The following SYN3 variants were observed in gnomAD, a reference collection of about 807,000 sequenced individuals.
The protein encoded by SYN3 is synapsin-3.
In SYN3, 35 loss-of-function variants were observed where a neutral mutation model predicts 65.8. The ratio of observed to expected loss-of-function variants is 0.53; its 90% CI spans 0.41 to 0.70. SYN3 has a LOEUF of 0.70. Among genes scored for constraint, SYN3 ranks in the 30% least tolerant of loss-of-function variants. The probability of loss-of-function intolerance (pLI) is 0.00; values close to 1 mark genes in which losing one functional copy is unlikely to be tolerated. For synonymous variants in SYN3, 270 were observed against 292.9 expected, an observed-to-expected ratio of 0.92 and a Z score of 0.80; for missense variants, 680 against 749.0, an observed-to-expected ratio of 0.91 and a Z score of 1.08.
At chr22:32,845,969 T>G (rs1394909363) in intron 6 of SYN3, among the ~76,000 whole-genome samples, 1 of 152,230 alleles carries the variant, frequency 6.6e-6, no homozygotes, top group East Asian at 1.9e-4. Context: ...GACAGATTAA[T>G]GCACAAACCA....
At position 32,723,302 on chromosome 22, in the gene SYN3, G is replaced by A. The variant is rs140798724; in HGVS notation, c.712-126566C>T. ...CTTCTGTTTCCCATCTATAAAATGGGGACAGGAAGAGTGTTCACTTCAGAG... is the reference window on the plus strand; with the variant it reads ...CTTCTGTTTCCCATCTATAAAATGGAGACAGGAAGAGTGTTCACTTCAGAG... On this transcript the variant is annotated intron_variant, in intron 6 of 13. Transcript: ENST00000358763. Among the ~76,000 whole-genome samples the A allele has an allele frequency of 1.4e-4, 21 of 152,298 alleles. 1 individual carries two copies. The East Asian group carries it at 3.9e-3, about 28-fold the overall frequency.
chr22:32,535,057 A>G (rs765425643), intron 9 of SYN3, among the ~76,000 whole-genome samples: 1 of 152,178 alleles, frequency 6.6e-6, no homozygotes, highest in Non-Finnish European at 1.5e-5. Flanking sequence ...CATTCCCTCG[A>G]ATCCCAGCAC....
chr22:32,735,371 A>C (rs1316700535), intron 6 of SYN3, among the ~76,000 whole-genome samples: 1 of 152,226 alleles, frequency 6.6e-6, no homozygotes, highest in Non-Finnish European at 1.5e-5. Flanking sequence ...CTTGGCACGT[A>C]GTAAATTCTC....
chr22:32,908,205 C>A (rs1373859840), intron 4 of SYN3, among the ~76,000 whole-genome samples: 1 of 151,972 alleles, frequency 6.6e-6, no homozygotes, highest in Non-Finnish European at 1.5e-5. Flanking sequence ...CCTGACTCAG[C>A]CTCCTGAGTA....
chr22:32,641,147 C>T (rs1389817267), intron 6 of SYN3, among the ~76,000 whole-genome samples: 3 of 152,270 alleles, frequency 2.0e-5, no homozygotes, highest in East Asian at 1.9e-4. Context: ...TGAGCACGAA[C>T]GTCAACAATG....
Position 32,512,412 on chromosome 22 carries a change from A to G in SYN3, c.*1280T>C, listed in dbSNP as rs774082997. ...TTCTGGCACCTACAATGTTTCCAGCACCAGGTGCTTGGTGATTTGGATCAC... is the reference window on the plus strand; with the variant it reads ...TTCTGGCACCTACAATGTTTCCAGCGCCAGGTGCTTGGTGATTTGGATCAC... On this transcript the variant is annotated 3_prime_UTR_variant, in exon 14 of 14. Transcript: ENST00000358763. 1.3e-5 allele frequency: 2 copies of G among 152,216 alleles called. No individual in the cohort carries two copies. Among genetic ancestry groups the G allele is most frequent in the Non-Finnish European group, 2.9e-5 (2 of 68,060 alleles). 9.4% of individuals were successfully genotyped at this position (152,216 alleles called of 1,614,324 possible).
At chr22:32,732,255 A>T (rs2061280739) in intron 6 of SYN3, among the ~76,000 whole-genome samples, 1 of 152,204 alleles carries the variant, frequency 6.6e-6, no homozygotes, top group African/African-American at 2.4e-5. Context: ...CATCCCCAGC[A>T]CTTAGGACAG....
chr22:32,706,682 A>C (rs1344327283), intron 6 of SYN3, among the ~76,000 whole-genome samples: 1 of 152,212 alleles, frequency 6.6e-6, no homozygotes, highest in Non-Finnish European at 1.5e-5. Context: ...GAAAGAATTA[A>C]TTTGCAGCAC....
intron 6 of SYN3, among the ~76,000 whole-genome samples, chr22:32,731,579 G>A (rs2061270646): frequency 6.6e-6 from 1 of 152,166 alleles, no homozygotes; most frequent in Admixed American, 6.5e-5. Context: ...AAGGCCAGTG[G>A]TGAGGTAACT....
Position 32,867,635 on chromosome 22 carries a change from C to A in SYN3, c.621+1331G>T, listed in dbSNP as rs774508696. ...GTCTTGCTCTGTCACCAGGCTGGAG[C>A]GCAGTGGCGCAATCTCAGCTCTCTG... On this transcript the variant is annotated intron_variant, in intron 5 of 13. Coordinates refer to ENST00000358763, the MANE Select transcript of SYN3 (RefSeq NM_003490.4). 3.9e-5 allele frequency among the ~76,000 whole-genome samples: 6 copies of A among 152,056 alleles called. No individual in the cohort carries two copies. The East Asian group carries it at 1.2e-3, about 29-fold the overall frequency.
chr22:32,921,898 T>TGGCAAATCTGGGATGTCC (rs1364351953), intron 4 of SYN3, among the ~76,000 whole-genome samples: 2 of 152,130 alleles, frequency 1.3e-5, no homozygotes, highest in Non-Finnish European at 2.9e-5. Flanking sequence ...GCTGTCACCG[T>TGGCAAATCTGGGATGTCC]GGCAAATCTG....
Position 32,832,992 on chromosome 22 carries a change from C to T in SYN3, c.711+31923G>A, listed in dbSNP as rs78217877. Among the ~76,000 whole-genome samples the T allele has an allele frequency of 9.5e-3, 1,446 of 152,256 alleles. 24 individuals are homozygous for T. The highest frequency in any genetic ancestry group is 0.033 in the African/African-American group (1,390 of 41,540). ...AAGGAATTCACCTGCCTCGACCTCC[C>T]GAAGTCCTGGGATTACAGGCGTGAG... is the stretch of plus-strand genomic sequence containing the variant. On this transcript the variant is annotated intron_variant, in intron 6 of 13. Coordinates refer to ENST00000358763, the MANE Select transcript of SYN3 (RefSeq NM_003490.4).
chr22:32,868,379 T>C (rs2048746137), intron 5 of SYN3, among the ~76,000 whole-genome samples: 1 of 151,414 alleles, frequency 6.6e-6, no homozygotes, highest in Non-Finnish European at 1.5e-5. Flanking sequence ...TCATATATCA[T>C]ATATTACATG....
rs566350561 is a variant in SYN3 at position 32,586,887 on chromosome 22, G to A, written c.774+9787C>T. On this transcript the variant is annotated intron_variant, in intron 7 of 13. Transcript: ENST00000358763. Reference sequence around the variant, plus strand: ...GCCTAAAGTCTTCATTAAGGTGTAGGGGACTGATGTATCCCCTCCCGAGGG... The same window carrying A: ...GCCTAAAGTCTTCATTAAGGTGTAGAGGACTGATGTATCCCCTCCCGAGGG... 1.3e-4 allele frequency among the ~76,000 whole-genome samples: 20 copies of A among 152,232 alleles called. No individual in the cohort carries two copies. In the South Asian group the frequency reaches 3.7e-3, roughly 28 times the overall value.
At position 32,508,211 on chromosome 22, in the gene SYN3, GTGATTTGT is replaced by G. The variant is rs1354179949; in HGVS notation, c.*5473_*5480del. 6.6e-6 allele frequency among the ~76,000 whole-genome samples: 1 copy of G among 152,070 alleles called. No homozygotes were observed. The highest frequency in any genetic ancestry group is 1.5e-5 in the Non-Finnish European group (1 of 68,010). On this transcript the variant is annotated 3_prime_UTR_variant, in exon 14 of 14. Coordinates refer to ENST00000358763, the MANE Select transcript of SYN3 (RefSeq NM_003490.4). ...CCTTAACTGATGACATTCCACCATT[GTGATTTGT>G]TCCTGCCCCACCTTAACTGAGTGAT...
chr22:32,653,734 C>G (rs1029330588), intron 6 of SYN3, among the ~76,000 whole-genome samples: 1 of 152,178 alleles, frequency 6.6e-6, no homozygotes, highest in Non-Finnish European at 1.5e-5. Context: ...GGTCCAAATT[C>G]TCATAGCCAT....
At chr22:32,632,280 C>G (rs2059757580) in intron 6 of SYN3, among the ~76,000 whole-genome samples, 2 of 152,202 alleles carry the variant, frequency 1.3e-5, no homozygotes, top group Admixed American at 6.5e-5. Flanking sequence ...AACTGGCAAC[C>G]TGGACCTGGG....
intron 2 of SYN3, among the ~76,000 whole-genome samples, chr22:32,982,984 CAA>C (rs1171505928): frequency 6.6e-6 from 1 of 152,130 alleles, no homozygotes; most frequent in African/African-American, 2.4e-5. Context: ...TGCTTTTGCT[CAA>C]CTCTGAAAAA....
At chr22:32,672,116 A>G (rs2060380015) in intron 6 of SYN3, among the ~76,000 whole-genome samples, 1 of 152,158 alleles carries the variant, frequency 6.6e-6, no homozygotes, top group Non-Finnish European at 1.5e-5. Context: ...TCCCCCATCC[A>G]TCATGGCCAG....
Sources: gnomAD v4.1 joint callset for allele counts (sites outside exome capture counted in the v4.1 genomes callset) on GRCh38, gnomAD v4.1.1 for gene constraint, MANE v1.5 for transcripts, NCBI Gene and HGNC (gene_info 2026-07-23, HGNC 2026-07-21) for gene names.